Variants in ATP8B4 observed in about 807,000 individuals in gnomAD.
ATP8B4 encodes the protein probable phospholipid-transporting ATPase IM.
ATP8B4 carries 133 observed loss-of-function variants against 145.6 expected under a neutral mutation model. The ratio of observed to expected loss-of-function variants is 0.91; its 90% confidence interval spans 0.79 to 1.05. The LOEUF is 1.05. ATP8B4 is among the 50% of genes least tolerant of loss of function. ATP8B4 has a pLI of 0.00. For missense variants in ATP8B4, 1,458 were observed against 1,425.2 expected (o/e 1.02, Z -0.37); for synonymous variants, 507 against 492.9 (o/e 1.03, Z -0.38).
At chr15:50,019,290 G>A (rs1019485527) in intron 6 of ATP8B4, among the ~76,000 whole-genome samples, 1 of 152,146 alleles carries the variant, frequency 6.6e-6, no homozygotes, top group Non-Finnish European at 1.5e-5. Context: ...CAAAGCTTCA[G>A]AACCAACCAG....
At chr15:50,074,695 G>A (rs1192782845) in intron 2 of ATP8B4, among the ~76,000 whole-genome samples, 3 of 152,184 alleles carry the variant, frequency 2.0e-5, no homozygotes, top group African/African-American at 7.2e-5. Context: ...ATAATCAGGA[G>A]ACTGAGAGCT....
chr15:50,041,581 C>T (rs1289912227), intron 5 of ATP8B4, among the ~76,000 whole-genome samples: 2 of 152,156 alleles, frequency 1.3e-5, no homozygotes, highest in Non-Finnish European at 2.9e-5. Flanking sequence ...CAGTAAACTC[C>T]AGGAACATCC....
At chr15:50,040,311 A>G (rs1366482797) in intron 5 of ATP8B4, among the ~76,000 whole-genome samples, 2 of 152,198 alleles carry the variant, frequency 1.3e-5, no homozygotes, top group African/African-American at 2.4e-5. Flanking sequence ...ACAGGCCTCA[A>G]CTACGTCTCC....
At chr15:50,023,035 G>A (rs1170563262) in intron 6 of ATP8B4, among the ~76,000 whole-genome samples, 1 of 152,066 alleles carries the variant, frequency 6.6e-6, no homozygotes, top group Non-Finnish European at 1.5e-5. Flanking sequence ...CCAGAAAGTT[G>A]CCCTTTTAAT....
chr15:50,110,545 G>A (rs534739141), intron 1 of ATP8B4, among the ~76,000 whole-genome samples: 1 of 152,202 alleles, frequency 6.6e-6, no homozygotes. Context: ...AAAAAGGTTT[G>A]CTAAAGTCAA....
intron 3 of ATP8B4, 26 bp downstream of exon 3, chr15:50,074,101 G>A (rs373048265): frequency 1.4e-5 from 23 of 1,596,904 alleles, no homozygotes; most frequent in African/African-American, 8.1e-5. Context: ...ATCCTAGTAC[G>A]TATGTGTTAT....
chr15:50,052,553 T>C (rs755491396), intron 3 of ATP8B4, among the ~76,000 whole-genome samples: 30 of 152,226 alleles, frequency 2.0e-4, no homozygotes, highest in Non-Finnish European at 3.5e-4. Context: ...AAAGATGAGC[T>C]GAGGCCCATT....
chr15:50,132,158 C>T (rs1379089194), intron 1 of ATP8B4, among the ~76,000 whole-genome samples: 2 of 152,156 alleles, frequency 1.3e-5, no homozygotes, highest in East Asian at 3.9e-4. Context: ...TAAGTACAGG[C>T]TGTATTACTA....
chr15:50,050,156 G>T (rs901533832), intron 3 of ATP8B4, among the ~76,000 whole-genome samples: 3 of 152,104 alleles, frequency 2.0e-5, no homozygotes, highest in South Asian at 2.1e-4. Context: ...TTTCTTCCCA[G>T]TGAGGCTCTT....
chr15:49,981,139 C>G lies in ATP8B4; in HGVS notation c.837+67G>C. 3.0e-6 allele frequency: 4 copies of G among 1,330,426 alleles called. 1 individual carries two copies. In the African/African-American group the frequency reaches 4.4e-5, roughly 15 times the overall value. 82.4% of individuals were successfully genotyped at this position (1,330,426 alleles called of 1,614,324 possible). On this transcript the variant is annotated intron_variant, in intron 11 of 27. Coordinates refer to ENST00000284509, the MANE Select transcript of ATP8B4 (RefSeq NM_024837.4). ...AGAATGTAGGCTTCTTAAAGAATTC[C>G]CAGCAAGATTCAGTAAATGTACTAA...
intron 2 of ATP8B4, among the ~76,000 whole-genome samples, chr15:50,104,331 C>T (rs559090891): frequency 3.3e-5 from 5 of 151,808 alleles, no homozygotes; most frequent in Non-Finnish European, 7.4e-5. Context: ...TCTATACATC[C>T]GACAAAAGAC....
chr15:50,121,121 T>C (rs934364137), upstream of ATP8B4, among the ~76,000 whole-genome samples: 2 of 152,164 alleles, frequency 1.3e-5, no homozygotes, highest in African/African-American at 4.8e-5. Context: ...TTAAAAAATA[T>C]TTTAAATGTG....
intron 1 of ATP8B4, among the ~76,000 whole-genome samples, chr15:50,162,545 C>T (rs1028337635): frequency 7.9e-5 from 12 of 151,972 alleles, no homozygotes; most frequent in African/African-American, 2.7e-4. Context: ...CTCGCTCTGT[C>T]GCCCAGGCTG....
chr15:50,088,461 A>G (rs1026407531), intron 2 of ATP8B4, among the ~76,000 whole-genome samples: 3 of 152,046 alleles, frequency 2.0e-5, no homozygotes, highest in Admixed American at 6.6e-5. Flanking sequence ...TGACCACACC[A>G]GGTCCATTCT....
chr15:49,947,309 T>C (rs543675206), intron 14 of ATP8B4, among the ~76,000 whole-genome samples: 34 of 152,026 alleles, frequency 2.2e-4, no homozygotes, highest in African/African-American at 8.2e-4. Flanking sequence ...CACGTGCCTG[T>C]AGTCCCAGCT....
At chr15:50,132,029 G>A (rs114461745) in intron 1 of ATP8B4, among the ~76,000 whole-genome samples, 1,203 of 112,402 alleles carry the variant, frequency 0.011, 22 homozygotes, top group African/African-American at 0.039. Context: ...AAAGGCCATT[G>A]TTTCTATGCC....
chr15:50,118,633 T>C (rs1471961419), intron 1 of ATP8B4, among the ~76,000 whole-genome samples: 1 of 152,232 alleles, frequency 6.6e-6, no homozygotes, highest in East Asian at 1.9e-4. Flanking sequence ...TACCTTTTTC[T>C]GTTCAGACAA....
intron 1 of ATP8B4, among the ~76,000 whole-genome samples, chr15:50,125,858 T>C (rs1028362746): frequency 2.0e-5 from 3 of 152,234 alleles, no homozygotes; most frequent in African/African-American, 7.2e-5. Flanking sequence ...AAAAACCTGC[T>C]TGTAACTGCT....
chr15:50,032,002 T>C (rs1480007294), intron 6 of ATP8B4, among the ~76,000 whole-genome samples: 4 of 152,350 alleles, frequency 2.6e-5, no homozygotes, highest in East Asian at 3.9e-4. Context: ...TTTACATGTA[T>C]TATACTTTTT....
Sources: gnomAD v4.1 joint callset for allele counts (sites outside exome capture counted in the v4.1 genomes callset) on GRCh38, gnomAD v4.1.1 for gene constraint, MANE v1.5 for transcripts, NCBI Gene and HGNC (gene_info 2026-07-23, HGNC 2026-07-21) for gene names.